Variants in TRAF1 observed in about 807,000 individuals in gnomAD.
The protein encoded by TRAF1 is TNF receptor-associated factor 1.
TRAF1 carries 23 observed loss-of-function variants against 40.9 expected under a neutral mutation model. The ratio of observed to expected loss-of-function variants is 0.56; its 90% CI spans 0.40 to 0.80. TRAF1 has a LOEUF of 0.80. Among genes scored for constraint, TRAF1 ranks in the 30% least tolerant of loss-of-function variants. TRAF1 has a pLI of 0.00. For synonymous variants in TRAF1, 206 were observed against 218.8 expected (o/e 0.94, Z 0.52); for missense variants, 477 against 528.7 (o/e 0.90, Z 0.96).
rs372481135 is a variant in TRAF1, at chr9:120,913,529, G to A, written c.504C>T (p.Pro168=). The change falls in exon 5 of 8, where the codon CCC becomes CCT. Residue 168 remains proline (P), a synonymous_variant. Coordinates refer to ENST00000373887, the MANE Select transcript of TRAF1 (RefSeq NM_005658.5). ...GDLEVDCYRA[P]CSESQEELAL... is the part of the protein sequence containing the mutation. ...CCAGCTCCTCCTGGCTCTCGGAGCA[G>A]GGTGCCCGGTAGCAATCGACCTCCA... 6.2e-7 allele frequency: 1 copy of A among 1,613,914 alleles called. No homozygotes were observed. Among genetic ancestry groups the A allele is most frequent in the South Asian group, 1.1e-5 (1 of 91,080 alleles).
chr9:120,907,886 TTCTC>T (rs1241444312), intron 7 of TRAF1, among the ~76,000 whole-genome samples: 5 of 151,502 alleles, frequency 3.3e-5, no homozygotes, highest in Admixed American at 6.6e-5. Flanking sequence ...ATTTCTTTCT[TTCTC>T]TCTCTCTCTC....
At chr9:120,923,587 G>A in intron 3 of TRAF1, 118 bp downstream of exon 3, 1 of 884,876 alleles carries the variant, frequency 1.1e-6, no homozygotes, top group Non-Finnish European at 1.9e-6. Flanking sequence ...AATTCAGTCT[G>A]GACTCAGGAC....
intron 5 of TRAF1, among the ~76,000 whole-genome samples, chr9:120,912,943 G>T (rs2046539419): frequency 6.6e-6 from 1 of 152,216 alleles, no homozygotes; most frequent in Non-Finnish European, 1.5e-5. Flanking sequence ...CTGTCATGGG[G>T]ACTAGAAGGT....
intron 3 of TRAF1, among the ~76,000 whole-genome samples, chr9:120,922,829 T>C (rs968922311): frequency 1.3e-5 from 2 of 152,186 alleles, no homozygotes; most frequent in Admixed American, 1.3e-4. Flanking sequence ...TTTTCATGTG[T>C]CCCAAAATAT....
At chr9:120,907,165 C>A (rs138258698) in intron 7 of TRAF1, among the ~76,000 whole-genome samples, 4 of 152,304 alleles carry the variant, frequency 2.6e-5, no homozygotes, top group East Asian at 1.9e-4. Context: ...CCCGGCCTAT[C>A]TTCATAGCTT....
intron 3 of TRAF1, among the ~76,000 whole-genome samples, chr9:120,922,578 T>C (rs955784542): frequency 8.5e-5 from 13 of 152,140 alleles, no homozygotes; most frequent in African/African-American, 2.9e-4. Context: ...GGGTTCTAAA[T>C]TGTAGCTCCT....
chr9:120,910,710 T>G (rs544872202), intron 6 of TRAF1, among the ~76,000 whole-genome samples: 1 of 152,344 alleles, frequency 6.6e-6, no homozygotes, highest in Admixed American at 6.5e-5. Context: ...TGCCTCATTT[T>G]TTGCACAAAT....
chr9:120,914,574 C>G, intron 3 of TRAF1: 1 of 1,111,270 alleles, frequency 9.0e-7, no homozygotes, highest in Non-Finnish European at 1.1e-6. Context: ...GTAATCATCA[C>G]TCACTCTCTG....
chr9:120,913,721 C>A lies in TRAF1; in HGVS notation c.312G>T (p.Val104=), dbSNP rs1365252178. The change falls in exon 5 of 8, where the codon GTG becomes GTT. Residue 104 remains valine, a synonymous_variant. Coordinates refer to ENST00000373887, the MANE Select transcript of TRAF1 (RefSeq NM_005658.5). ...TCTGGGAGGTGACCTCATGCTCTTG[C>A]ACAGACTGTGGGCTTCCCTGACAAG... ...GCSFKGSPQS[V]QEHEVTSQTS... 1 of 1,579,976 alleles carries A rather than the reference C, an allele frequency of 6.3e-7. No homozygotes were observed. The highest frequency in any genetic ancestry group is 8.6e-7 in the Non-Finnish European group (1 of 1,159,742).
intron 3 of TRAF1, among the ~76,000 whole-genome samples, chr9:120,914,949 C>T (rs1233146056): frequency 1.3e-5 from 2 of 152,126 alleles, no homozygotes; most frequent in African/African-American, 2.4e-5. Context: ...TCCTAGGGCT[C>T]CTTACAGCAT....
At chr9:120,910,728 C>T (rs2046519972) in intron 6 of TRAF1, among the ~76,000 whole-genome samples, 1 of 152,222 alleles carries the variant, frequency 6.6e-6, no homozygotes, top group African/African-American at 2.4e-5. Flanking sequence ...AATATATGCA[C>T]TGTTATATTA....
rs764417345 is a variant in TRAF1 at position 120,913,314 on chromosome 9, C to T, written c.705+14G>A. On this transcript the variant is annotated intron_variant, in intron 5 of 7. Transcript: ENST00000373887. ...TCAGCCGGGCTTGAAGGCAAACCTG[C>T]CTCCCACACTCACCCTCTGCTCCAA... is the stretch of plus-strand genomic sequence containing the variant. 1 of 1,582,044 alleles carries T rather than the reference C, an allele frequency of 6.3e-7. No homozygotes were observed. Among genetic ancestry groups the T allele is most frequent in the Non-Finnish European group, 8.6e-7 (1 of 1,161,014 alleles).
rs2046619319 is a variant in TRAF1 at position 120,923,692 on chromosome 9, T to C, written c.228+13A>G. On this transcript the variant is annotated intron_variant, in intron 3 of 7. Transcript: ENST00000373887. Reference sequence around the variant, plus strand: ...ACAACGGACAAATGCCTTTCTGTGATGTGCCAACGTACCTTCTCCTGAGTT... The same window carrying C: ...ACAACGGACAAATGCCTTTCTGTGACGTGCCAACGTACCTTCTCCTGAGTT... The C allele has an allele frequency of 6.2e-7, 1 of 1,613,886 alleles. No homozygotes were observed. Among genetic ancestry groups the C allele is most frequent in the East Asian group, 2.2e-5 (1 of 44,878 alleles).
chr9:120,925,985 T>C lies in TRAF1; in HGVS notation c.91A>G (p.Lys31Glu), dbSNP rs144024378. ...GCACAGCAGAGAGCCCTGGGCTCCT[T>C]TGGGTCCTGGCAGACGGTGGGAGGG... ...GCPPTVCQDP[K>E]EPRALCCAGC... Residue 31 changes from lysine to glutamate, a missense_variant, in exon 2 of 8, where the codon AAG (lysine) becomes GAG (glutamate). Physicochemically the swap from Lys to Glu is moderately conservative, Grantham distance 56 (BLOSUM62 1). Coordinates refer to ENST00000373887, the MANE Select transcript of TRAF1 (RefSeq NM_005658.5). 1.1e-4 allele frequency: 183 copies of C among 1,613,654 alleles called. No homozygotes were observed. The highest frequency in any genetic ancestry group is 1.7e-4 in the Middle Eastern group (1 of 6,060).
Position 120,909,370 on chromosome 9 carries a change from T to C in TRAF1, c.892A>G (p.Thr298Ala). 1 of 1,613,842 alleles carries C rather than the reference T, an allele frequency of 6.2e-7. No homozygotes were observed. Among genetic ancestry groups the C allele is most frequent in the South Asian group, 1.1e-5 (1 of 91,068 alleles). The part of the protein sequence containing the change: ...TVSLFSPAFY[T>A]AKYGYKLCLR... ...CACAACTTGTAGCCATACTTGGCAG[T>C]GTAGAAGGCTGAAACGCAGAAGCCA... Residue 298 changes from threonine (T) to alanine (A), a missense_variant, in exon 7 of 8, where the codon ACT (threonine) becomes GCT (alanine). Coordinates refer to ENST00000373887, the MANE Select transcript of TRAF1 (RefSeq NM_005658.5).
chr9:120,907,061 G>C (rs1005822224), intron 7 of TRAF1, among the ~76,000 whole-genome samples: 10 of 152,022 alleles, frequency 6.6e-5, no homozygotes, highest in African/African-American at 1.9e-4. Flanking sequence ...GTAGAGACAG[G>C]GTTTCGTTAT....
At chr9:120,926,950 A>T (rs1446048711), upstream of TRAF1, 1 of 152,246 alleles carries the variant, frequency 6.6e-6, no homozygotes, top group Non-Finnish European at 1.5e-5. Context: ...AGCTGGTCTC[A>T]GCATCCAAGT....
At chr9:120,912,917 C>T (rs2046539126) in intron 5 of TRAF1, among the ~76,000 whole-genome samples, 1 of 152,198 alleles carries the variant, frequency 6.6e-6, no homozygotes, top group Non-Finnish European at 1.5e-5. Context: ...GAATCTGACC[C>T]TCCATCCCTG....
At chr9:120,917,241 TGAG>T (rs1355973429) in intron 3 of TRAF1, among the ~76,000 whole-genome samples, 1 of 152,108 alleles carries the variant, frequency 6.6e-6, no homozygotes, top group Non-Finnish European at 1.5e-5. Flanking sequence ...AGGGGTGACT[TGAG>T]AGGCTTTCAG....
Sources: gnomAD v4.1 joint callset for allele counts (sites outside exome capture counted in the v4.1 genomes callset) on GRCh38, gnomAD v4.1.1 for gene constraint, MANE v1.5 for transcripts, NCBI Gene and HGNC (gene_info 2026-07-23, HGNC 2026-07-21) for gene names.